The following BPGM variants were observed in gnomAD, a reference collection of about 807,000 sequenced individuals.
BPGM encodes the protein bisphosphoglycerate mutase, also known as 2,3-bisphosphoglycerate mutase, erythrocyte.
BPGM carries 15 observed loss-of-function variants against 21.6 expected under a neutral mutation model. That is an observed-to-expected ratio of 0.70 (90% CI 0.47 to 1.07). The LOEUF is 1.07. Among genes scored for constraint, BPGM ranks in the 50% least tolerant of loss-of-function variants. The pLI is 0.00. For synonymous variants in BPGM, 113 were observed against 116.2 expected (o/e 0.97, Z 0.18); for missense variants, 273 against 319.0 (o/e 0.86, Z 1.10).
intron 1 of BPGM, among the ~76,000 whole-genome samples, chr7:134,648,371 G>A (rs1364342320): frequency 6.6e-6 from 1 of 151,994 alleles, no homozygotes; most frequent in African/African-American, 2.4e-5. Context: ...CTGACCTCAG[G>A]TGATCTGCCT....
At chr7:134,649,083 A>C (rs1346187842) in intron 1 of BPGM, among the ~76,000 whole-genome samples, 1 of 152,236 alleles carries the variant, frequency 6.6e-6, no homozygotes, top group Admixed American at 6.5e-5. Context: ...ATCAGAGTAC[A>C]TAGGGTAGCT....
chr7:134,648,130 TG>T (rs762922113), intron 1 of BPGM, among the ~76,000 whole-genome samples: 47 of 89,882 alleles, frequency 5.2e-4, no homozygotes, highest in East Asian at 2.4e-3. Flanking sequence ...TCTTTTGTTT[TG>T]GTTTTTTTTT....
At chr7:134,667,284 A>G (rs984478641) in intron 2 of BPGM, among the ~76,000 whole-genome samples, 4 of 152,202 alleles carry the variant, frequency 2.6e-5, no homozygotes, top group Non-Finnish European at 4.4e-5. Context: ...TATGCTTACT[A>G]TCAAGTTACA....
chr7:134,662,000 C>G lies in BPGM; in HGVS notation c.493C>G (p.Leu165Val), dbSNP rs755896639. Residue 165 changes from leucine (L) to valine (V), a missense_variant, in exon 2 of 3, where the codon CTC (leucine) becomes GTC (valine). By Grantham distance (32) the Leu-to-Val change is conservative. Transcript: ENST00000344924. The surrounding 1 kb of genome is among the most constrained non-coding windows in gnomAD (Gnocchi z 4.6). Reference sequence around the variant, plus strand: ...AAGCTTAAAGGATGTTCTGGAGAGACTCCTTCCCTATTGGAATGAAAGGAT... The same window carrying G: ...AAGCTTAAAGGATGTTCTGGAGAGAGTCCTTCCCTATTGGAATGAAAGGAT... ...SESLKDVLER[L>V]LPYWNERIAP... The G allele has an allele frequency of 1.9e-6, 3 of 1,614,154 alleles. No individual in the cohort carries two copies. In the South Asian group the frequency reaches 3.3e-5, roughly 18 times the overall value.
intron 1 of BPGM, among the ~76,000 whole-genome samples, chr7:134,648,976 T>A (rs1795513158): frequency 6.6e-6 from 1 of 152,222 alleles, no homozygotes; most frequent in Non-Finnish European, 1.5e-5. Flanking sequence ...GGATATATTC[T>A]TGTTTTTTAA....
chr7:134,662,090 C>T lies in BPGM; in HGVS notation c.583C>T (p.Leu195Phe), dbSNP rs1263413149. 1 of 1,614,108 alleles carries T rather than the reference C, an allele frequency of 6.2e-7. No homozygotes were observed. The highest frequency in any genetic ancestry group is 8.5e-7 in the Non-Finnish European group (1 of 1,180,010). ...ISAHGNSSRA[L>F]LKHLEGISDE... The stretch of plus-strand genomic sequence containing the variant: ...TGCTCATGGAAATAGCAGTAGGGCA[C>T]TCCTAAAACACCTGGAAGGTACCAG... Residue 195 changes from leucine (L) to phenylalanine (F), a missense_variant, in exon 2 of 3, where the codon CTC (leucine) becomes TTC (phenylalanine). Physicochemically the swap from Leu to Phe is conservative, Grantham distance 22. Coordinates refer to ENST00000344924, the MANE Select transcript of BPGM (RefSeq NM_001724.5).
At position 134,661,409 on chromosome 7, in the gene BPGM, T is replaced by C. The variant is rs1795728057; in HGVS notation, c.-61-38T>C. The C allele has an allele frequency of 3.9e-6, 6 of 1,542,842 alleles. No homozygotes were observed. Among genetic ancestry groups the C allele is most frequent in the African/African-American group, 2.7e-5 (2 of 72,946 alleles). On this transcript the variant is annotated intron_variant, in intron 1 of 2. Coordinates refer to ENST00000344924, the MANE Select transcript of BPGM (RefSeq NM_001724.5). The surrounding 1 kb of genome is among the most constrained non-coding windows in gnomAD (Gnocchi z 4.6). ...GATGTTTCTATTCCTAGATTGTCAG[T>C]TGAATATAACTTAGACTTGTTGTTC...
At chr7:134,677,437 G>GT (rs993783883) in intron 2 of BPGM, among the ~76,000 whole-genome samples, 2 of 152,150 alleles carry the variant, frequency 1.3e-5, no homozygotes, top group African/African-American at 4.8e-5. Context: ...TTTGAGTATG[G>GT]ATAGTTTGTG....
At chr7:134,649,132 C>T (rs1436965762) in intron 1 of BPGM, among the ~76,000 whole-genome samples, 1 of 151,958 alleles carries the variant, frequency 6.6e-6, no homozygotes, top group Non-Finnish European at 1.5e-5. Context: ...TCAAACAATC[C>T]AATTGTACTC....
intron 2 of BPGM, 146 bp downstream of exon 2, chr7:134,662,254 A>G: frequency 2.5e-6 from 3 of 1,219,966 alleles, no homozygotes; most frequent in South Asian, 2.6e-5. Context: ...GTCTTGTTCT[A>G]TAAATCAGAT....
At chr7:134,676,146 A>G (rs879631203) in intron 2 of BPGM, among the ~76,000 whole-genome samples, 1 of 152,188 alleles carries the variant, frequency 6.6e-6, no homozygotes, top group Admixed American at 6.5e-5. Context: ...TTCCTTTCCA[A>G]TCTGGGTGCC....
intron 2 of BPGM, among the ~76,000 whole-genome samples, chr7:134,669,700 T>C (rs1795875457): frequency 6.6e-6 from 1 of 152,222 alleles, no homozygotes; most frequent in African/African-American, 2.4e-5. Context: ...ATAATATCTC[T>C]GCTCATAAAT....
At chr7:134,671,218 T>C (rs1795898872) in intron 2 of BPGM, among the ~76,000 whole-genome samples, 2 of 152,218 alleles carry the variant, frequency 1.3e-5, no homozygotes, top group Admixed American at 1.3e-4. Context: ...ATATAGCACC[T>C]ATATGTGAAT....
rs549346811 is a variant in BPGM, at chr7:134,677,193, G to A, written c.602-1660G>A. Reference sequence around the variant, plus strand: ...TTTGTTCATGTATGTTCTCTTTTAAGCCACCCCTTTTATCCCACAACCCTT... The same window carrying A: ...TTTGTTCATGTATGTTCTCTTTTAAACCACCCCTTTTATCCCACAACCCTT... On this transcript the variant is annotated intron_variant, in intron 2 of 2. Coordinates refer to ENST00000344924, the MANE Select transcript of BPGM (RefSeq NM_001724.5). Among the ~76,000 whole-genome samples, 5 of 152,320 alleles carry A rather than the reference G, an allele frequency of 3.3e-5. No homozygotes were observed. The East Asian group carries it at 9.6e-4, about 29-fold the overall frequency.
At chr7:134,662,725 AAGTT>A (rs1795755576) in intron 2 of BPGM, among the ~76,000 whole-genome samples, 1 of 152,204 alleles carries the variant, frequency 6.6e-6, no homozygotes, top group Non-Finnish European at 1.5e-5. Context: ...GACTGGAAGA[AAGTT>A]AGGGGGAAGG....
intron 2 of BPGM, among the ~76,000 whole-genome samples, chr7:134,671,463 G>A (rs987493333): frequency 6.7e-6 from 1 of 150,100 alleles, no homozygotes; most frequent in African/African-American, 2.5e-5. Flanking sequence ...CCAGGTTCAC[G>A]CCATTCTCCC....
chr7:134,677,645 C>G (rs566091896), intron 2 of BPGM, among the ~76,000 whole-genome samples: 1 of 152,318 alleles, frequency 6.6e-6, no homozygotes, highest in Admixed American at 6.5e-5. Flanking sequence ...CAAGTAAAGA[C>G]AAACCCTTGG....
intron 2 of BPGM, among the ~76,000 whole-genome samples, chr7:134,663,690 A>G (rs1430237114): frequency 6.6e-6 from 1 of 152,122 alleles, no homozygotes; most frequent in Non-Finnish European, 1.5e-5. Context: ...CCTTCTCTCA[A>G]GAAAACACCA....
At chr7:134,651,196 C>G (rs1458779981) in intron 1 of BPGM, among the ~76,000 whole-genome samples, 3 of 152,144 alleles carry the variant, frequency 2.0e-5, no homozygotes, top group African/African-American at 7.2e-5. Context: ...CTAAGTGACT[C>G]TGGTTCTATT....
Sources: gnomAD v4.1 joint callset for allele counts (sites outside exome capture counted in the v4.1 genomes callset) on GRCh38, gnomAD v4.1.1 for gene constraint, Gnocchi (gnomAD v3.1) non-coding constraint, MANE v1.5 for transcripts, NCBI Gene and HGNC (gene_info 2026-07-23, HGNC 2026-07-21) for gene names.